The following PKD2L1 variants were observed in gnomAD, a reference collection of about 807,000 sequenced individuals.
PKD2L1 encodes the protein polycystin-2-like protein 1.
PKD2L1 carries 77 observed loss-of-function variants against 93.0 expected under a neutral mutation model. The observed-to-expected ratio is 0.83, with a 90% CI of 0.69 to 1.00. PKD2L1 has a LOEUF of 1.00. PKD2L1 is among the 50% of genes least tolerant of loss of function. The pLI is 0.00. For synonymous variants in PKD2L1, 390 were observed against 388.0 expected (o/e 1.01, Z -0.06); for missense variants, 977 against 990.9 (o/e 0.99, Z 0.19).
At chr10:100,309,028 A>C (rs1848871634) in intron 2 of PKD2L1, among the ~76,000 whole-genome samples, 1 of 152,226 alleles carries the variant, frequency 6.6e-6, no homozygotes, top group South Asian at 2.1e-4. Context: ...ATGCTGACAC[A>C]GATAAGTCCC....
chr10:100,313,147 T>C (rs992229649), intron 2 of PKD2L1, among the ~76,000 whole-genome samples: 1 of 152,180 alleles, frequency 6.6e-6, no homozygotes, highest in Non-Finnish European at 1.5e-5. Context: ...CTGTCCTTCT[T>C]TGAGCTATTT....
rs565889017 is a variant in PKD2L1 at position 100,330,002 on chromosome 10, C to T, written c.102G>A (p.Thr34=). ...TGCTGGAGATGGTGCAGACTCTCAG[C>T]GTCCCGTGTGGGGAAGGGGGACCAC... ...AYSGPPSPHG[T]LRVCTISSTG... Residue 34 remains threonine, a synonymous_variant, in exon 1 of 16, where the codon ACG becomes ACA. Transcript: ENST00000318222. 32 of 1,613,818 alleles carry T rather than the reference C, an allele frequency of 2.0e-5. No homozygotes were observed. The highest frequency in any genetic ancestry group is 5.0e-5 in the Admixed American group (3 of 59,980).
In PKD2L1 at chr10:100,293,014, A is replaced by C; in HGVS notation, c.1814T>G (p.Val605Gly). 6.2e-7 allele frequency: 1 copy of C among 1,614,178 alleles called. No individual in the cohort carries two copies. Among genetic ancestry groups the C allele is most frequent in the Non-Finnish European group, 8.5e-7 (1 of 1,180,010 alleles). ...CTCCCCACCCTGCAGGACCTTCTGC[A>C]CATCCGAAACCCTCTCCTTCCTCAG... is the stretch of plus-strand genomic sequence containing the variant. ...LRLRKERVSD[V>G]QKVLQGGEQE... Residue 605 changes from valine to glycine, a missense_variant, in exon 11 of 16, where the codon GTG becomes GGG. Coordinates refer to ENST00000318222, the MANE Select transcript of PKD2L1 (RefSeq NM_016112.3).
intron 2 of PKD2L1, among the ~76,000 whole-genome samples, chr10:100,327,695 G>A (rs1052505657): frequency 6.6e-6 from 1 of 152,278 alleles, no homozygotes; most frequent in South Asian, 2.1e-4. Flanking sequence ...TAATCGATAC[G>A]TCAACAAATG....
chr10:100,315,956 G>A (rs1009823015), intron 2 of PKD2L1, among the ~76,000 whole-genome samples: 1 of 152,194 alleles, frequency 6.6e-6, no homozygotes, highest in East Asian at 1.9e-4. Flanking sequence ...AAATAAGCAG[G>A]CAAGCAAATG....
At chr10:100,318,907 G>A (rs551003522) in intron 2 of PKD2L1, among the ~76,000 whole-genome samples, 33 of 148,794 alleles carry the variant, frequency 2.2e-4, no homozygotes, top group Non-Finnish European at 4.6e-4. Flanking sequence ...GTACAGTGGC[G>A]TGATCTCGGC....
intron 2 of PKD2L1, among the ~76,000 whole-genome samples, chr10:100,301,462 C>T (rs892313015): frequency 5.3e-5 from 8 of 151,808 alleles, no homozygotes; most frequent in South Asian, 2.1e-4. Flanking sequence ...AGGCCCCCCC[C>T]CCGGGAATGC....
chr10:100,301,462 C>G (rs892313015), intron 2 of PKD2L1, among the ~76,000 whole-genome samples: 18 of 151,808 alleles, frequency 1.2e-4, no homozygotes, highest in South Asian at 8.4e-4. Flanking sequence ...AGGCCCCCCC[C>G]CCGGGAATGC....
chr10:100,307,785 T>C (rs2133555151), intron 2 of PKD2L1, among the ~76,000 whole-genome samples: 1 of 152,298 alleles, frequency 6.6e-6, no homozygotes, highest in South Asian at 2.1e-4. Context: ...CCACTGGGCG[T>C]GTCAGCAAAG....
intron 2 of PKD2L1, among the ~76,000 whole-genome samples, chr10:100,320,718 C>A (rs532643597): frequency 6.6e-6 from 1 of 152,254 alleles, no homozygotes; most frequent in East Asian, 1.9e-4. Context: ...TGAGTTGTAC[C>A]ATCTTATACC....
chr10:100,318,576 T>C (rs1246947944), intron 2 of PKD2L1, among the ~76,000 whole-genome samples: 1 of 151,542 alleles, frequency 6.6e-6, no homozygotes, highest in Non-Finnish European at 1.5e-5. Context: ...TGGAGTGCAG[T>C]GGCGTGATCT....
At chr10:100,326,244 C>A (rs1849376392) in intron 2 of PKD2L1, among the ~76,000 whole-genome samples, 1 of 152,182 alleles carries the variant, frequency 6.6e-6, no homozygotes, top group South Asian at 2.1e-4. Context: ...AGTCCAAATT[C>A]TTTCTCATGC....
intron 2 of PKD2L1, among the ~76,000 whole-genome samples, chr10:100,303,643 A>T (rs2134389260): frequency 6.6e-6 from 1 of 152,324 alleles, no homozygotes; most frequent in South Asian, 2.1e-4. Flanking sequence ...TTCAGGGGGA[A>T]AAAATGGCAA....
At position 100,321,829 on chromosome 10, in the gene PKD2L1, AAG is replaced by A. The variant is rs1339040284; in HGVS notation, c.349+7380_349+7381del. 2.6e-5 allele frequency among the ~76,000 whole-genome samples: 2 copies of A among 77,732 alleles called. 1 individual carries two copies. Among genetic ancestry groups the A allele is most frequent in the Non-Finnish European group, 5.1e-5 (2 of 39,098 alleles). The allele number at this position is 77,732 out of a possible 152,430, so 51.0% of individuals were successfully genotyped here. ...GAGGGAGGAAGGAAGGAAAGAAAGA[AAG>A]AAGGAAAGCAAGCAAGCAAGAAGGC... On this transcript the variant is annotated intron_variant, in intron 2 of 15. Coordinates refer to ENST00000318222, the MANE Select transcript of PKD2L1 (RefSeq NM_016112.3).
At chr10:100,301,452 A>AG (rs1240446377) in intron 2 of PKD2L1, among the ~76,000 whole-genome samples, 2 of 127,420 alleles carry the variant, frequency 1.6e-5, no homozygotes, top group African/African-American at 3.0e-5. Flanking sequence ...GCCATTTTAG[A>AG]GGCCCCCCCC....
intron 7 of PKD2L1, among the ~76,000 whole-genome samples, chr10:100,295,460 G>A (rs1266247374): frequency 1.3e-5 from 2 of 148,510 alleles, no homozygotes; most frequent in African/African-American, 5.0e-5. Flanking sequence ...AGCCAGGCAC[G>A]GCAGTTCACT....
At position 100,297,579 on chromosome 10, in the gene PKD2L1, C is replaced by T; in HGVS notation, c.759G>A (p.Leu253=). 1 of 1,613,888 alleles carries T rather than the reference C, an allele frequency of 6.2e-7. No individual in the cohort carries two copies. The highest frequency in any genetic ancestry group is 8.5e-7 in the Non-Finnish European group (1 of 1,179,978). ...GCCTGCCCCAGTGGGAGAAGCCCCC[C>T]AACTCATCCTGCGAGTGGTATGTCC... ...TAWTYHSQDE[L]GGFSHWGRLT... is the part of the protein sequence containing the mutation. Residue 253 remains leucine (L), a synonymous_variant, in exon 5 of 16, where the codon TTG becomes TTA. Coordinates refer to ENST00000318222, the MANE Select transcript of PKD2L1 (RefSeq NM_016112.3).
chr10:100,317,759 C>G (rs563344770), intron 2 of PKD2L1, among the ~76,000 whole-genome samples: 1 of 151,994 alleles, frequency 6.6e-6, no homozygotes, highest in East Asian at 1.9e-4. Flanking sequence ...TCAGGAAGCC[C>G]TAGGGGTCCT....
Position 100,288,445 on chromosome 10 carries a change from T to A in PKD2L1, c.2369A>T (p.Glu790Val), listed in dbSNP as rs977530319. 1.9e-6 allele frequency: 3 copies of A among 1,612,274 alleles called. No homozygotes were observed. Among genetic ancestry groups the A allele is most frequent in the Admixed American group, 3.3e-5 (2 of 59,994 alleles). ...CTCACCACGGGAGAGTCTCCTCTCC[T>A]CTAAGGCTTCCTCTTCTCTTTTATA... ...VPYKREEEAL[E>V]ERRLSRGEIP... is the part of the protein sequence containing the mutation. The change falls in exon 16 of 16, where the codon GAG becomes GTG. Residue 790 changes from glutamate (E) to valine (V), a missense_variant. Coordinates refer to ENST00000318222, the MANE Select transcript of PKD2L1 (RefSeq NM_016112.3).
Sources: allele counts gnomAD v4.1 joint callset (sites outside exome capture counted in the v4.1 genomes callset), GRCh38; gene constraint gnomAD v4.1.1; transcripts MANE v1.5; gene names NCBI Gene and HGNC (gene_info 2026-07-23, HGNC 2026-07-21).